RAD23B: variants seen among roughly 807,000 people sequenced by gnomAD.
RAD23B encodes RAD23 nucleotide excision repair protein B, also known as lysine-specific demethylase RAD23B.
A neutral mutation model predicts 49.1 loss-of-function variants in RAD23B; 5 were observed. The observed-to-expected ratio is 0.10, with a 90% CI of 0.05 to 0.21. The LOEUF (loss-of-function observed/expected upper bound fraction) is 0.21, where lower values mean the gene tolerates loss of function less well. RAD23B is among the 10% of genes least tolerant of loss of function. The pLI is 1.00. For missense variants in RAD23B, 356 were observed against 486.7 expected (o/e 0.73, Z 2.53); for synonymous variants, 184 against 165.4 (o/e 1.11, Z -0.86).
At chr9:107,316,978 T>C (rs1827010513) in intron 5 of RAD23B, among the ~76,000 whole-genome samples, 1 of 152,120 alleles carries the variant, frequency 6.6e-6, no homozygotes, top group African/African-American at 2.4e-5. Context: ...GTAAAGGCCC[T>C]GGGGCAGGAA....
intron 5 of RAD23B, among the ~76,000 whole-genome samples, chr9:107,315,988 C>G (rs1826985036): frequency 6.6e-6 from 1 of 151,742 alleles, no homozygotes; most frequent in African/African-American, 2.4e-5. Context: ...GTTTGTATCT[C>G]TGCACCATGA....
rs1006425726 is a variant in RAD23B, at chr9:107,325,089, T to C, written c.1116+85T>C. Reference sequence around the variant, plus strand: ...CAGCACTTTGGGAGGCCAAGGCAGGTGGATCACCTGAGGTCAGGAGTTCAA... The same window carrying C: ...CAGCACTTTGGGAGGCCAAGGCAGGCGGATCACCTGAGGTCAGGAGTTCAA... On this transcript the variant is annotated intron_variant, in intron 9 of 9. Transcript: ENST00000358015. 9.1e-6 allele frequency: 12 copies of C among 1,322,138 alleles called. No homozygotes were observed. The African/African-American group carries it at 1.2e-4, about 13-fold the overall frequency. 81.9% of individuals were successfully genotyped at this position (1,322,138 alleles called of 1,614,324 possible). A position where few individuals can be genotyped will look rare whatever the true frequency, so the allele number is the denominator to read the frequency against.
Position 107,283,280 on chromosome 9 carries a change from A to G in RAD23B, c.-350A>G, listed in dbSNP as rs1404115639. On this transcript the variant is annotated 5_prime_UTR_variant, in exon 1 of 10. Transcript: ENST00000358015. ...GTGGGGGAGGGGGCACGTCTCGGCG[A>G]GTCACGATGATGGCGGCCACCATCC... is the stretch of plus-strand genomic sequence containing the variant. 5.0e-6 allele frequency: 2 copies of G among 402,180 alleles called. No homozygotes were observed. Among genetic ancestry groups the G allele is most frequent in the Admixed American group, 8.8e-5 (2 of 22,698 alleles). The allele number at this position is 402,180 out of a possible 1,614,324, so 24.9% of individuals were successfully genotyped here. A position where few individuals can be genotyped will look rare whatever the true frequency, so the allele number is the denominator to read the frequency against.
intron 5 of RAD23B, among the ~76,000 whole-genome samples, chr9:107,316,276 C>G (rs1368162223): frequency 6.6e-6 from 1 of 152,216 alleles, no homozygotes; most frequent in African/African-American, 2.4e-5. Flanking sequence ...CTCCCAAGTG[C>G]TGGGATTACA....
In RAD23B at chr9:107,330,416, A is replaced by G. The variant is rs565767613; in HGVS notation, c.*760A>G. ...TAGGTGTCTAATTACTGTTTACTTCATTGTTATATTGCAGTAAAAGTTTTA... is the reference window on the plus strand; with the variant it reads ...TAGGTGTCTAATTACTGTTTACTTCGTTGTTATATTGCAGTAAAAGTTTTA... On this transcript the variant is annotated 3_prime_UTR_variant, in exon 10 of 10. Transcript: ENST00000358015. The surrounding 1 kb of genome is among the most constrained non-coding windows in gnomAD (Gnocchi z 4.4). 5 of 151,918 alleles carry G rather than the reference A, an allele frequency of 3.3e-5. No homozygotes were observed. The highest frequency in any genetic ancestry group is 1.2e-4 in the African/African-American group (5 of 41,220). 9.4% of individuals were successfully genotyped at this position (151,918 alleles called of 1,614,324 possible).
chr9:107,286,193 A>G (rs138023897), intron 1 of RAD23B, among the ~76,000 whole-genome samples: 2 of 152,218 alleles, frequency 1.3e-5, no homozygotes, highest in Admixed American at 1.3e-4. Context: ...TGAGATGAGC[A>G]TGAGCAAAAA....
intron 1 of RAD23B, among the ~76,000 whole-genome samples, chr9:107,292,052 T>C (rs1424737131): frequency 6.6e-6 from 1 of 152,210 alleles, no homozygotes; most frequent in East Asian, 1.9e-4. Flanking sequence ...TGTATATCCC[T>C]CTAGTCTTTT....
chr9:107,283,571 A>G lies in RAD23B; in HGVS notation c.-59A>G, dbSNP rs1833200326. The stretch of plus-strand genomic sequence containing the variant: ...ACCCCGGGGCCCCGCCAGGCCACAG[A>G]CCCCGCCCAGCGGCCAGCACCCGGC... On this transcript the variant is annotated 5_prime_UTR_variant, in exon 1 of 10. Coordinates refer to ENST00000358015, the MANE Select transcript of RAD23B (RefSeq NM_002874.5). The G allele has an allele frequency of 7.2e-7, 1 of 1,397,764 alleles. No homozygotes were observed. The highest frequency in any genetic ancestry group is 9.5e-7 in the Non-Finnish European group (1 of 1,049,262). 86.6% of individuals were successfully genotyped at this position (1,397,764 alleles called of 1,614,324 possible). A position where few individuals can be genotyped will look rare whatever the true frequency, so the allele number is the denominator to read the frequency against.
At chr9:107,300,878 G>GT (rs1395890096) in intron 2 of RAD23B, among the ~76,000 whole-genome samples, 1 of 152,168 alleles carries the variant, frequency 6.6e-6, no homozygotes, top group East Asian at 1.9e-4. Context: ...TCTGAATAGT[G>GT]TTTCCTAAAG....
At chr9:107,293,009 C>T (rs958713486) in intron 1 of RAD23B, among the ~76,000 whole-genome samples, 23 of 152,278 alleles carry the variant, frequency 1.5e-4, no homozygotes, top group Middle Eastern at 3.4e-3. Flanking sequence ...TCAAGAGTCT[C>T]AGGAAGTTGG....
chr9:107,283,821 C>G, intron 1 of RAD23B, 126 bp downstream of exon 1: 1 of 974,424 alleles, frequency 1.0e-6, no homozygotes, highest in Non-Finnish European at 1.3e-6. Context: ...GCCCTGGGTC[C>G]TGGTGCCGGC....
chr9:107,306,484 A>C lies in RAD23B; in HGVS notation c.334A>C (p.Thr112Pro). Residue 112 changes from threonine to proline, a missense_variant, in exon 4 of 10, where the codon ACC becomes CCC. Thr to Pro is a conservative substitution (Grantham distance 38). Around this residue, in one of 5 missense-constraint regions of RAD23B, gnomAD observed 137 missense variants for 122.0 expected, o/e 1.12. Transcript: ENST00000358015. ...CACCACAACTGTGGCTCAGGCTCCA[A>C]CCCCTGTCCCTGCCTTGGCCCCCAC... The part of the protein sequence containing the change: ...STTTTVAQAP[T>P]PVPALAPTST... 6.2e-7 allele frequency: 1 copy of C among 1,614,000 alleles called. No individual in the cohort carries two copies. Among genetic ancestry groups the C allele is most frequent in the Non-Finnish European group, 8.5e-7 (1 of 1,179,996 alleles).
At chr9:107,284,956 A>C (rs1442389931) in intron 1 of RAD23B, 1 of 1,301,534 alleles carries the variant, frequency 7.7e-7, no homozygotes, top group East Asian at 5.5e-5. Flanking sequence ...TCGATTATTT[A>C]AACAATGGAT....
chr9:107,305,200 C>T (rs367781683), intron 3 of RAD23B, among the ~76,000 whole-genome samples: 29 of 151,848 alleles, frequency 1.9e-4, no homozygotes, highest in East Asian at 7.7e-4. Flanking sequence ...GTGTTGGGGG[C>T]GGGGGCAGTG....
At chr9:107,317,798 T>C (rs1438151452) in intron 5 of RAD23B, among the ~76,000 whole-genome samples, 1 of 152,040 alleles carries the variant, frequency 6.6e-6, no homozygotes, top group Non-Finnish European at 1.5e-5. Context: ...TTGTCTGTAT[T>C]GAGAGGAGGG....
At chr9:107,302,846 C>T (rs1468477284) in intron 3 of RAD23B, among the ~76,000 whole-genome samples, 1 of 151,880 alleles carries the variant, frequency 6.6e-6, no homozygotes, top group African/African-American at 2.4e-5. Flanking sequence ...TTAGTAGAGA[C>T]AGGGTTTCAC....
At chr9:107,327,392 A>G (rs1234213632) in intron 9 of RAD23B, among the ~76,000 whole-genome samples, 2 of 152,164 alleles carry the variant, frequency 1.3e-5, no homozygotes, top group Non-Finnish European at 2.9e-5. Context: ...CTTTGTTAGC[A>G]TAGATGTTTA....
chr9:107,297,337 G>GTTTGT (rs1462033613), intron 1 of RAD23B, among the ~76,000 whole-genome samples: 1 of 151,676 alleles, frequency 6.6e-6, no homozygotes, highest in African/African-American at 2.4e-5. Context: ...AATATTCTGT[G>GTTTGT]TTTGTTTTGT....
rs1397447521 is a variant in RAD23B at position 107,330,059 on chromosome 9, CT to C, written c.*404del. 6.5e-6 allele frequency: 1 copy of C among 153,124 alleles called. No homozygotes were observed. The highest frequency in any genetic ancestry group is 1.5e-5 in the Non-Finnish European group (1 of 68,396). The allele number at this position is 153,124 out of a possible 1,614,324, so 9.5% of individuals were successfully genotyped here. A position where few individuals can be genotyped will look rare whatever the true frequency, so the allele number is the denominator to read the frequency against. On this transcript the variant is annotated 3_prime_UTR_variant, in exon 10 of 10. Coordinates refer to ENST00000358015, the MANE Select transcript of RAD23B (RefSeq NM_002874.5). The surrounding 1 kb of genome is among the most constrained non-coding windows in gnomAD (Gnocchi z 4.4). ...CTTAGCTACCTAGAATTTACAGTCT[CT>C]GTTTCATGGCAACACTGGATAATGG...
Sources: gnomAD v4.1 joint callset for allele counts (sites outside exome capture counted in the v4.1 genomes callset) on GRCh38, gnomAD v4.1.1 for gene constraint, gnomAD v4.1.1 regional missense constraint, Gnocchi (gnomAD v3.1) non-coding constraint, MANE v1.5 for transcripts, NCBI Gene and HGNC (gene_info 2026-07-23, HGNC 2026-07-21) for gene names.